The following AGBL4 variants were observed in gnomAD, a reference collection of about 807,000 sequenced individuals.
AGBL4 encodes cytosolic carboxypeptidase 6.
AGBL4 carries 58 observed loss-of-function variants against 66.4 expected under a neutral mutation model. The observed-to-expected ratio is 0.87, with a 90% CI of 0.71 to 1.09. AGBL4 has a LOEUF of 1.09. Ranked by LOEUF, AGBL4 falls within the 50% of genes least tolerant of loss-of-function variation. AGBL4 has a pLI of 0.00. For missense variants in AGBL4, 579 were observed against 631.0 expected, an observed-to-expected ratio of 0.92 and a Z score of 0.88; for synonymous variants, 234 against 222.9, an observed-to-expected ratio of 1.05 and a Z score of -0.44.
At chr1:49,208,036 G>A (rs1648380381) in intron 4 of AGBL4, among the ~76,000 whole-genome samples, 1 of 151,892 alleles carries the variant, frequency 6.6e-6, no homozygotes, top group Non-Finnish European at 1.5e-5. Context: ...AGAATACGTA[G>A]CTTGCTCCAT....
chr1:48,769,853 A>G (rs1045950707), intron 6 of AGBL4, among the ~76,000 whole-genome samples: 4 of 152,220 alleles, frequency 2.6e-5, no homozygotes, highest in South Asian at 2.1e-4. Context: ...CCAAAGCCAC[A>G]CAGCTTCTAA....
intron 5 of AGBL4, among the ~76,000 whole-genome samples, chr1:48,907,272 G>A (rs376713683): frequency 5.3e-4 from 80 of 152,172 alleles, no homozygotes; most frequent in African/African-American, 1.9e-3. Flanking sequence ...ATGTGGATTT[G>A]GGAAAATCTT....
intron 4 of AGBL4, among the ~76,000 whole-genome samples, chr1:49,091,373 A>C (rs1458558330): frequency 1.3e-5 from 2 of 152,150 alleles, no homozygotes; most frequent in Non-Finnish European, 2.9e-5. Flanking sequence ...GAGCTTAAAC[A>C]TATTAACAAA....
At chr1:49,947,970 ATATT>A (rs1364350062) in intron 1 of AGBL4, among the ~76,000 whole-genome samples, 4 of 74,272 alleles carry the variant, frequency 5.4e-5, no homozygotes, top group East Asian at 7.1e-4. Context: ...ATAAATATAT[ATATT>A]TATAAATATA....
At chr1:48,816,045 TTGTGTGTGTGTGTGTGTGTGTG>T (rs59041939) in intron 6 of AGBL4, among the ~76,000 whole-genome samples, 3 of 144,392 alleles carry the variant, frequency 2.1e-5, no homozygotes, top group South Asian at 4.6e-4. Context: ...AGGAACTGTT[TTGTGTGTGTGTGTGTGTGTGTG>T]TGTGTGTGTG....
At chr1:49,803,232 C>T (rs376021511) in intron 2 of AGBL4, among the ~76,000 whole-genome samples, 1 of 152,094 alleles carries the variant, frequency 6.6e-6, no homozygotes, top group East Asian at 1.9e-4. Context: ...TTAATCCTAA[C>T]AAGATTTGAT....
intron 5 of AGBL4, among the ~76,000 whole-genome samples, chr1:48,893,839 C>A (rs992432399): frequency 6.6e-6 from 1 of 152,164 alleles, no homozygotes; most frequent in Non-Finnish European, 1.5e-5. Context: ...ACACTACGAT[C>A]TCAGTCTTTC....
intron 3 of AGBL4, among the ~76,000 whole-genome samples, chr1:49,251,367 C>T (rs1401364686): frequency 6.6e-6 from 1 of 152,206 alleles, no homozygotes; most frequent in Non-Finnish European, 1.5e-5. Flanking sequence ...CTCCCTCTCC[C>T]TTGCTCATAG....
At position 49,954,695 on chromosome 1, in the gene AGBL4, G is replaced by A. The variant is rs184613644; in HGVS notation, c.34+69068C>T. The stretch of plus-strand genomic sequence containing the variant: ...TTAGGCATAAATATGAGACTTTCTA[G>A]AAGATTCTTTAGGGAAGGTGACTTG... On this transcript the variant is annotated intron_variant, in intron 1 of 13. Coordinates refer to ENST00000371839, the MANE Select transcript of AGBL4 (RefSeq NM_032785.4). 2.6e-5 allele frequency among the ~76,000 whole-genome samples: 4 copies of A among 152,086 alleles called. No homozygotes were observed. The East Asian group carries it at 7.8e-4, about 30-fold the overall frequency.
At chr1:49,630,549 G>T (rs1351336614) in intron 3 of AGBL4, among the ~76,000 whole-genome samples, 3 of 152,154 alleles carry the variant, frequency 2.0e-5, no homozygotes, top group Non-Finnish European at 4.4e-5. Context: ...TTGCCTAGGT[G>T]TGAAAATCCT....
intron 3 of AGBL4, among the ~76,000 whole-genome samples, chr1:49,604,471 AGTCTTT>A (rs1645027108): frequency 6.6e-6 from 1 of 152,142 alleles, no homozygotes; most frequent in African/African-American, 2.4e-5. Context: ...ACTGGATATT[AGTCTTT>A]TGTCAGATGC....
intron 5 of AGBL4, among the ~76,000 whole-genome samples, chr1:48,874,804 GA>G (rs1210740753): frequency 2.0e-5 from 3 of 152,006 alleles, no homozygotes; most frequent in Non-Finnish European, 2.9e-5. Context: ...CGAAATTTGG[GA>G]AACACTATCT....
At chr1:49,269,029 C>T (rs1643994290) in intron 3 of AGBL4, 1 of 152,154 alleles carries the variant, frequency 6.6e-6, no homozygotes, top group Non-Finnish European at 1.5e-5. Context: ...CTCAAGAAGC[C>T]TTGTGTAGTT....
At chr1:49,451,034 G>T (rs995425420) in intron 3 of AGBL4, among the ~76,000 whole-genome samples, 4 of 151,924 alleles carry the variant, frequency 2.6e-5, no homozygotes, top group African/African-American at 9.7e-5. Context: ...GGAGGCTCTA[G>T]AAGAAAAAAA....
At chr1:48,547,052 G>A (rs1235669267) in intron 11 of AGBL4, among the ~76,000 whole-genome samples, 1 of 152,062 alleles carries the variant, frequency 6.6e-6, no homozygotes, top group Non-Finnish European at 1.5e-5. Flanking sequence ...AGGGTGTCTG[G>A]GAAGGGTCCT....
intron 3 of AGBL4, among the ~76,000 whole-genome samples, chr1:49,304,541 T>G (rs967190840): frequency 2.6e-5 from 4 of 152,040 alleles, no homozygotes; most frequent in African/African-American, 9.7e-5. Context: ...AGGGGAGAGA[T>G]CTAGAGGTCA....
At chr1:48,917,170 T>G (rs540742195) in intron 5 of AGBL4, among the ~76,000 whole-genome samples, 1 of 152,042 alleles carries the variant, frequency 6.6e-6, no homozygotes, top group Non-Finnish European at 1.5e-5. Context: ...CCTGTTCTTA[T>G]TGCTGACCAA....
rs377121359 is a variant in AGBL4, at chr1:49,549,253, G to T, written c.282+148060C>A. On this transcript the variant is annotated intron_variant, in intron 3 of 13. Transcript: ENST00000371839. ...TTCAAAGAACCAGCTTTTTATCTTT[G>T]TATCTTTTTTTTTTTCAATTTCATT... 3.5e-4 allele frequency among the ~76,000 whole-genome samples: 51 copies of T among 146,948 alleles called. 1 individual carries two copies. In the South Asian group the frequency reaches 9.8e-3, roughly 28 times the overall value.
At chr1:48,797,730 A>C in intron 6 of AGBL4, among the ~76,000 whole-genome samples, 1 of 152,026 alleles carries the variant, frequency 6.6e-6, no homozygotes, top group Non-Finnish European at 1.5e-5. Context: ...TATTTTTAGT[A>C]GAGATGGGGT....
Sources: gnomAD v4.1 joint callset for allele counts (sites outside exome capture counted in the v4.1 genomes callset) on GRCh38, gnomAD v4.1.1 for gene constraint, MANE v1.5 for transcripts, NCBI Gene and HGNC (gene_info 2026-07-23, HGNC 2026-07-21) for gene names.